The following CCN4 variants were observed in gnomAD, a reference collection of about 807,000 sequenced individuals.
CCN4 encodes cellular communication network factor 4.
In CCN4, 30 loss-of-function variants were observed where a neutral mutation model predicts 36.7. The ratio of observed to expected loss-of-function variants is 0.82; its 90% CI spans 0.61 to 1.11. The LOEUF (loss-of-function observed/expected upper bound fraction) is 1.11, where lower values mean the gene tolerates loss of function less well. CCN4 is among the 50% of genes least tolerant of loss of function. CCN4 has a pLI of 0.00. For missense variants in CCN4, 505 were observed against 504.9 expected (o/e 1.00, Z 0.00); for synonymous variants, 191 against 195.4 (o/e 0.98, Z 0.19).
At chr8:133,199,104 G>A (rs986895189) in intron 1 of CCN4, among the ~76,000 whole-genome samples, 1 of 152,192 alleles carries the variant, frequency 6.6e-6, no homozygotes, top group Non-Finnish European at 1.5e-5. Flanking sequence ...GGAAAAGGAG[G>A]GAATTTGGCA....
rs967937376 is a variant in CCN4 at position 133,228,805 on chromosome 8, A to G, written c.*1095A>G. On this transcript the variant is annotated 3_prime_UTR_variant, in exon 5 of 5. Coordinates refer to ENST00000250160, the MANE Select transcript of CCN4 (RefSeq NM_003882.4). The stretch of plus-strand genomic sequence containing the variant: ...TGGGACTCCAGGGGCCCCCGTGTTC[A>G]GGACACATCTATTGCAGAGACTCAT... 6.6e-6 allele frequency: 1 copy of G among 152,182 alleles called. No individual in the cohort carries two copies. The highest frequency in any genetic ancestry group is 1.5e-5 in the Non-Finnish European group (1 of 68,046). 9.4% of individuals were successfully genotyped at this position (152,182 alleles called of 1,614,324 possible).
At chr8:133,218,542 G>A (rs1236209270) in intron 2 of CCN4, among the ~76,000 whole-genome samples, 1 of 152,322 alleles carries the variant, frequency 6.6e-6, no homozygotes, top group East Asian at 1.9e-4. Flanking sequence ...AGGAGACCCA[G>A]TATCCAATAA....
In CCN4 at chr8:133,207,254, G is replaced by T. The variant is rs182017885; in HGVS notation, c.70-5610G>T. On this transcript the variant is annotated intron_variant, in intron 1 of 4. Coordinates refer to ENST00000250160, the MANE Select transcript of CCN4 (RefSeq NM_003882.4). ...CTGGAAGCTGAGTGCTCATGCACTA[G>T]ACCACCCGAATGGCAGCTTAGGCTG... 2.0e-5 allele frequency among the ~76,000 whole-genome samples: 3 copies of T among 152,372 alleles called. No individual in the cohort carries two copies. The East Asian group carries it at 5.8e-4, about 29-fold the overall frequency.
intron 1 of CCN4, among the ~76,000 whole-genome samples, chr8:133,195,207 A>G (rs112928658): frequency 0.35 from 46,385 of 133,994 alleles, 7,930 homozygotes; most frequent in Middle Eastern, 0.53. Context: ...TGGTGTGTGT[A>G]TGGTGTGTGT....
intron 1 of CCN4, among the ~76,000 whole-genome samples, chr8:133,195,507 C>T (rs945615591): frequency 1.1e-4 from 16 of 152,030 alleles, no homozygotes; most frequent in African/African-American, 2.9e-4. Flanking sequence ...GATTTCAAAC[C>T]CCATCCAGGC....
At chr8:133,207,361 C>T (rs1335315019) in intron 1 of CCN4, among the ~76,000 whole-genome samples, 1 of 152,234 alleles carries the variant, frequency 6.6e-6, no homozygotes, top group Non-Finnish European at 1.5e-5. Context: ...ACAGGTACCC[C>T]CACATGGGGA....
At chr8:133,227,263 G>A in intron 4 of CCN4, 148 bp from the exon 5 acceptor site, 1 of 720,918 alleles carries the variant, frequency 1.4e-6, no homozygotes, top group Non-Finnish European at 2.2e-6. Flanking sequence ...GTTTGCTGTT[G>A]TCCCTCCTTG....
At chr8:133,208,820 T>C (rs148146628) in intron 1 of CCN4, among the ~76,000 whole-genome samples, 3 of 152,158 alleles carry the variant, frequency 2.0e-5, no homozygotes, top group Non-Finnish European at 4.4e-5. Context: ...CAGGTCTGCT[T>C]GGCTCTCACA....
At position 133,227,561 on chromosome 8, in the gene CCN4, G is replaced by A. The variant is rs766728121; in HGVS notation, c.955G>A (p.Asp319Asn). The A allele has an allele frequency of 7.7e-5, 125 of 1,614,068 alleles. No individual in the cohort carries two copies. Among genetic ancestry groups the A allele is most frequent in the Middle Eastern group, 1.6e-4 (1 of 6,084 alleles). ...CATCCCCTACAAGTCTAAGACTATC[G>A]ACGTGTCCTTCCAGTGTCCTGATGG... is the stretch of plus-strand genomic sequence containing the variant. ...CCIPYKSKTIDVSFQCPDGLG... is the reference protein window; with the variant it reads ...CCIPYKSKTINVSFQCPDGLG... The change falls in exon 5 of 5, where the codon GAC becomes AAC. Residue 319 changes from aspartate to asparagine, a missense_variant. Asp to Asn is a conservative substitution (Grantham distance 23). Coordinates refer to ENST00000250160, the MANE Select transcript of CCN4 (RefSeq NM_003882.4).
chr8:133,220,761 G>T lies in CCN4; in HGVS notation c.530G>T (p.Gly177Val). The change falls in exon 3 of 5, where the codon GGC becomes GTC. Residue 177 changes from glycine (G) to valine (V), a missense_variant. Transcript: ENST00000250160. ...CACCCGCGGCGCGTGAGCATACCTG[G>T]CCACTGCTGTGAGCAGTGGGTATGT... The part of the protein sequence containing the change: ...CPHPRRVSIP[G>V]HCCEQWVCED... 6.2e-7 allele frequency: 1 copy of T among 1,613,396 alleles called. No individual in the cohort carries two copies. Among genetic ancestry groups the T allele is most frequent in the Non-Finnish European group, 8.5e-7 (1 of 1,179,984 alleles).
rs984593097 is a variant in CCN4 at position 133,230,196 on chromosome 8, C to T, written c.*2486C>T. On this transcript the variant is annotated 3_prime_UTR_variant, in exon 5 of 5. Coordinates refer to ENST00000250160, the MANE Select transcript of CCN4 (RefSeq NM_003882.4). ...AAACGGAACTATCTTATGCAGAGCCCGGAGGGCAAGTCTCAGACCCATGGG... is the reference window on the plus strand; with the variant it reads ...AAACGGAACTATCTTATGCAGAGCCTGGAGGGCAAGTCTCAGACCCATGGG... 3 of 152,178 alleles carry T rather than the reference C, an allele frequency of 2.0e-5. No individual in the cohort carries two copies. Among genetic ancestry groups the T allele is most frequent in the East Asian group, 1.9e-4 (1 of 5,192 alleles). The allele number at this position is 152,178 out of a possible 1,614,324, so 9.4% of individuals were successfully genotyped here.
Position 133,214,740 on chromosome 8 carries a change from A to C in CCN4, c.349+1597A>C, listed in dbSNP as rs142107754. On this transcript the variant is annotated intron_variant, in intron 2 of 4. Transcript: ENST00000250160. ...ATGATGCAGCAGCCTAACTTCTGAA[A>C]ACTTCCACAAAGTCTCATAAACCCA... Among the ~76,000 whole-genome samples, 1,350 of 152,264 alleles carry C rather than the reference A, an allele frequency of 8.9e-3. 8 individuals are homozygous for C. Among genetic ancestry groups the C allele is most frequent in the Middle Eastern group, 0.02 (6 of 294 alleles).
intron 1 of CCN4, among the ~76,000 whole-genome samples, chr8:133,194,449 G>GC (rs1853249018): frequency 9.4e-6 from 1 of 106,496 alleles, no homozygotes. Flanking sequence ...TGTGGTGTGT[G>GC]TGTGGTATGT....
At chr8:133,195,004 T>A (rs1283568681) in intron 1 of CCN4, among the ~76,000 whole-genome samples, 1 of 144,692 alleles carries the variant, frequency 6.9e-6, no homozygotes, top group Non-Finnish European at 1.5e-5. Context: ...TTTGTGTGTG[T>A]GTTGTGTGTG....
chr8:133,193,953 C>T (rs1025769787), intron 1 of CCN4, among the ~76,000 whole-genome samples: 7 of 152,170 alleles, frequency 4.6e-5, no homozygotes, highest in Non-Finnish European at 7.3e-5. Context: ...CTGTGTCGGC[C>T]GCACTAAGTC....
At chr8:133,214,088 T>TAC (rs373259048) in intron 2 of CCN4, among the ~76,000 whole-genome samples, 14 of 135,282 alleles carry the variant, frequency 1.0e-4, no homozygotes, top group East Asian at 2.1e-4. Flanking sequence ...ATAGTAGTTA[T>TAC]ATAAACTATA....
chr8:133,193,611 A>C (rs758726024), intron 1 of CCN4, among the ~76,000 whole-genome samples: 1 of 152,214 alleles, frequency 6.6e-6, no homozygotes. Flanking sequence ...TATAAGACCA[A>C]CCTCAGTTCA....
At chr8:133,199,095 G>A (rs1461592283) in intron 1 of CCN4, among the ~76,000 whole-genome samples, 2 of 152,330 alleles carry the variant, frequency 1.3e-5, no homozygotes, top group African/African-American at 4.8e-5. Flanking sequence ...TGCTGGGGAG[G>A]AAAAGGAGGG....
At chr8:133,227,369 T>C in intron 4 of CCN4, 42 bp from the exon 5 acceptor site, 1 of 1,561,266 alleles carries the variant, frequency 6.4e-7, no homozygotes, top group Non-Finnish European at 8.7e-7. Context: ...GGTTGTCCAT[T>C]CTCTGAGCAC....
Sources: allele counts gnomAD v4.1 joint callset (sites outside exome capture counted in the v4.1 genomes callset), GRCh38; gene constraint gnomAD v4.1.1; transcripts MANE v1.5; gene names NCBI Gene and HGNC (gene_info 2026-07-23, HGNC 2026-07-21).